GABRB1: variants seen among roughly 807,000 people sequenced by gnomAD.
GABRB1 encodes the protein gamma-aminobutyric acid receptor subunit beta-1.
GABRB1 carries 17 observed loss-of-function variants against 51.6 expected under a neutral mutation model. The observed-to-expected ratio is 0.33, with a 90% CI of 0.23 to 0.49. The LOEUF is 0.49. GABRB1 is among the 20% of genes least tolerant of loss of function. The pLI, the probability that GABRB1 is intolerant of heterozygous loss-of-function variation, is 0.99. For missense variants in GABRB1, 410 were observed against 600.6 expected (o/e 0.68, Z 3.32); for synonymous variants, 247 against 218.9 (o/e 1.13, Z -1.14).
intron 4 of GABRB1, among the ~76,000 whole-genome samples, chr4:47,261,026 A>G (rs565018247): frequency 1.2e-3 from 176 of 152,312 alleles, no homozygotes; most frequent in African/African-American, 3.9e-3. Flanking sequence ...CTCTCAAGAA[A>G]TTAGGTATTG....
chr4:47,182,458 A>G (rs1164214891), intron 4 of GABRB1, among the ~76,000 whole-genome samples: 1 of 151,960 alleles, frequency 6.6e-6, no homozygotes, highest in Non-Finnish European at 1.5e-5. Context: ...ATCTTCCTTG[A>G]TATTTAGAAC....
At chr4:47,358,373 GTGTGTGTGTATATATGTATA>G in intron 5 of GABRB1, among the ~76,000 whole-genome samples, 1 of 151,086 alleles carries the variant, frequency 6.6e-6, no homozygotes, top group African/African-American at 2.4e-5. Context: ...GTATATATAT[GTGTGTGTGTATATATGTATA>G]TATATATATA....
chr4:47,416,605 C>A (rs981834995), intron 8 of GABRB1, among the ~76,000 whole-genome samples: 33 of 152,132 alleles, frequency 2.2e-4, no homozygotes, highest in African/African-American at 7.7e-4. Context: ...GCGCCCGCCA[C>A]CACACCCGGC....
chr4:47,184,466 G>T (rs527875432), intron 4 of GABRB1, among the ~76,000 whole-genome samples: 1 of 152,028 alleles, frequency 6.6e-6, no homozygotes, highest in Admixed American at 6.6e-5. Flanking sequence ...ATAAAACTTT[G>T]CTGCTCCATC....
intron 4 of GABRB1, among the ~76,000 whole-genome samples, chr4:47,165,916 C>G (rs993201774): frequency 6.6e-6 from 1 of 152,106 alleles, no homozygotes; most frequent in Non-Finnish European, 1.5e-5. Flanking sequence ...TGTAATTCCA[C>G]GTCTCTTTTG....
intron 1 of GABRB1, among the ~76,000 whole-genome samples, chr4:47,012,551 C>G (rs1434847116): frequency 6.6e-6 from 1 of 152,176 alleles, no homozygotes; most frequent in Non-Finnish European, 1.5e-5. Flanking sequence ...TTTGAGATTA[C>G]CTATGTTTAA....
chr4:47,274,432 A>G (rs1722999950), intron 4 of GABRB1, among the ~76,000 whole-genome samples: 1 of 152,068 alleles, frequency 6.6e-6, no homozygotes. Context: ...ATTATTTTAG[A>G]CCTTTTACTG....
intron 3 of GABRB1, among the ~76,000 whole-genome samples, chr4:47,114,104 C>G (rs2109634086): frequency 6.6e-6 from 1 of 152,336 alleles, no homozygotes; most frequent in Admixed American, 6.5e-5. Context: ...AAATACTCTA[C>G]CACATCCCAC....
intron 3 of GABRB1, among the ~76,000 whole-genome samples, chr4:47,045,287 T>C (rs539345381): frequency 6.6e-6 from 1 of 152,210 alleles, no homozygotes; most frequent in South Asian, 2.1e-4. Flanking sequence ...ACTCAAAGCC[T>C]GAATTTCTCT....
intron 4 of GABRB1, among the ~76,000 whole-genome samples, chr4:47,186,508 A>G (rs537234564): frequency 6.6e-6 from 1 of 151,958 alleles, no homozygotes; most frequent in African/African-American, 2.4e-5. Flanking sequence ...CAGGGTATCT[A>G]ATGTCTAGTA....
chr4:47,284,883 C>A (rs1723448841), intron 4 of GABRB1, among the ~76,000 whole-genome samples: 1 of 152,084 alleles, frequency 6.6e-6, no homozygotes, highest in African/African-American at 2.4e-5. Flanking sequence ...TTTAAAAATG[C>A]ATAACTAAAA....
chr4:47,299,139 G>A (rs1023281362), intron 4 of GABRB1, among the ~76,000 whole-genome samples: 1 of 152,004 alleles, frequency 6.6e-6, no homozygotes, highest in East Asian at 1.9e-4. Flanking sequence ...AAAAACCCTA[G>A]AAGAAAACCT....
At chr4:46,999,356 C>T (rs189739848) in intron 1 of GABRB1, among the ~76,000 whole-genome samples, 1 of 152,312 alleles carries the variant, frequency 6.6e-6, no homozygotes, top group East Asian at 1.9e-4. Context: ...TTAACATATT[C>T]ATACCATATG....
chr4:47,040,585 A>G (rs917208558), intron 3 of GABRB1, among the ~76,000 whole-genome samples: 9 of 152,104 alleles, frequency 5.9e-5, no homozygotes, highest in Admixed American at 5.2e-4. Flanking sequence ...GCTGAAGTGG[A>G]CACATTTTCA....
intron 8 of GABRB1, among the ~76,000 whole-genome samples, chr4:47,408,325 G>A (rs547187520): frequency 1.4e-4 from 21 of 152,256 alleles, no homozygotes; most frequent in African/African-American, 4.3e-4. Flanking sequence ...AGAGAAGACC[G>A]GTAGAGCAAG....
In GABRB1 at chr4:47,294,934, A is replaced by C. The variant is rs545974519; in HGVS notation, c.462-25193A>C. 1.2e-4 allele frequency among the ~76,000 whole-genome samples: 19 copies of C among 152,328 alleles called. No individual in the cohort carries two copies. The South Asian group carries it at 3.9e-3, about 32-fold the overall frequency. On this transcript the variant is annotated intron_variant, in intron 4 of 8. Transcript: ENST00000295454. ...ACTTCCAGAGGAATGATCAGACAGCAGCATTCGTGGTTCACGAAAATCCGC... is the reference window on the plus strand; with the variant it reads ...ACTTCCAGAGGAATGATCAGACAGCCGCATTCGTGGTTCACGAAAATCCGC...
At chr4:47,204,155 T>A (rs1720019131) in intron 4 of GABRB1, among the ~76,000 whole-genome samples, 1 of 152,158 alleles carries the variant, frequency 6.6e-6, no homozygotes, top group Non-Finnish European at 1.5e-5. Flanking sequence ...TATCTGGAAC[T>A]GCTTACATGA....
At chr4:47,406,279 T>A (rs1198784697) in intron 7 of GABRB1, among the ~76,000 whole-genome samples, 2 of 152,154 alleles carry the variant, frequency 1.3e-5, no homozygotes, top group Non-Finnish European at 2.9e-5. Context: ...GCTATAGGGA[T>A]TAGTATCACA....
intron 4 of GABRB1, among the ~76,000 whole-genome samples, chr4:47,312,945 C>T (rs1193225040): frequency 1.3e-5 from 2 of 152,056 alleles, no homozygotes; most frequent in Admixed American, 1.3e-4. Flanking sequence ...TAGAATCATG[C>T]CACCTTCAGA....
Sources: allele counts gnomAD v4.1 joint callset (sites outside exome capture counted in the v4.1 genomes callset), GRCh38; gene constraint gnomAD v4.1.1; transcripts MANE v1.5; gene names NCBI Gene and HGNC (gene_info 2026-07-23, HGNC 2026-07-21).